ARHGEF4: variants seen among roughly 807,000 people sequenced by gnomAD.
The protein encoded by ARHGEF4 is Rho guanine nucleotide exchange factor 4.
ARHGEF4 carries 119 observed loss-of-function variants against 162.0 expected under a neutral mutation model. That is an observed-to-expected ratio of 0.73 (90% CI 0.63 to 0.86). The LOEUF (loss-of-function observed/expected upper bound fraction) is 0.86, where lower values mean the gene tolerates loss of function less well. Among genes scored for constraint, ARHGEF4 ranks in the 40% least tolerant of loss-of-function variants. The pLI is 0.00. For synonymous variants in ARHGEF4, 1,014 were observed against 979.9 expected (o/e 1.03, Z -0.65); for missense variants, 2,488 against 2,456.0 (o/e 1.01, Z -0.28).
intron 1 of ARHGEF4, among the ~76,000 whole-genome samples, chr2:130,888,003 C>T (rs6430400): frequency 0.18 from 27,244 of 152,044 alleles, 2,983 homozygotes; most frequent in East Asian, 0.34. Context: ...GTGTGTGCAG[C>T]TTCCCAGGGT....
Position 130,848,296 on chromosome 2 carries a change from C to T in ARHGEF4, c.39+11304C>T, listed in dbSNP as rs576459533. ...GCGTCTGAACCACCTTGTGCGCTGCCCCAGCATACCGACTCGACCCCAAGG... is the reference window on the plus strand; with the variant it reads ...GCGTCTGAACCACCTTGTGCGCTGCTCCAGCATACCGACTCGACCCCAAGG... On this transcript the variant is annotated intron_variant, in intron 1 of 13. Transcript: ENST00000409359. Among the ~76,000 whole-genome samples, 12 of 152,300 alleles carry T rather than the reference C, an allele frequency of 7.9e-5. No homozygotes were observed. In the East Asian group the frequency reaches 1.2e-3, roughly 15 times the overall value.
chr2:130,988,882 A>G (rs62178934), intron 4 of ARHGEF4, among the ~76,000 whole-genome samples: 24,879 of 94,018 alleles, frequency 0.26, 2,390 homozygotes, highest in East Asian at 0.39. Context: ...GTATATATAT[A>G]TATATATATA....
chr2:131,000,828 G>T (rs981701888), intron 4 of ARHGEF4, among the ~76,000 whole-genome samples: 1 of 151,984 alleles, frequency 6.6e-6, no homozygotes, highest in African/African-American at 2.4e-5. Flanking sequence ...CTATTATAAA[G>T]GAAAAGATTA....
chr2:130,985,953 T>C (rs201628365), intron 4 of ARHGEF4, among the ~76,000 whole-genome samples: 3,720 of 151,990 alleles, frequency 0.024, 165 homozygotes, highest in East Asian at 0.21. Context: ...GAGTGTTGTG[T>C]GTGTGTGGTG....
At chr2:130,917,815 CTTT>C (rs936419110) in intron 2 of ARHGEF4, among the ~76,000 whole-genome samples, 1 of 118,820 alleles carries the variant, frequency 8.4e-6, no homozygotes, top group African/African-American at 3.2e-5. Flanking sequence ...TTTTCTTTTT[CTTT>C]TTTTCTTTTT....
chr2:130,909,819 C>CT (rs34091190), intron 1 of ARHGEF4, among the ~76,000 whole-genome samples: 2,295 of 152,266 alleles, frequency 0.015, 47 homozygotes, highest in African/African-American at 0.051. Flanking sequence ...TCACGGCCCA[C>CT]TACACATTTC....
At chr2:131,001,302 C>CAAAAAAAA (rs70994730) in intron 4 of ARHGEF4, among the ~76,000 whole-genome samples, 1 of 31,158 alleles carries the variant, frequency 3.2e-5, no homozygotes, top group Non-Finnish European at 6.6e-5. Context: ...GACTGTGTCT[C>CAAAAAAAA]AAAAAAAAAA....
At chr2:130,992,139 G>T (rs1049243917) in intron 4 of ARHGEF4, among the ~76,000 whole-genome samples, 3 of 152,094 alleles carry the variant, frequency 2.0e-5, no homozygotes, top group Non-Finnish European at 4.4e-5. Context: ...GGGACGAGGC[G>T]AACCTTTGTA....
intron 4 of ARHGEF4, among the ~76,000 whole-genome samples, chr2:131,001,669 T>G (rs1037939844): frequency 7.2e-5 from 11 of 152,152 alleles, no homozygotes; most frequent in Admixed American, 2.6e-4. Context: ...AACTCTTCCA[T>G]GTATGCATAG....
chr2:130,918,019 A>G (rs1278842187), intron 2 of ARHGEF4, among the ~76,000 whole-genome samples: 1 of 150,936 alleles, frequency 6.6e-6, no homozygotes, highest in Non-Finnish European at 1.5e-5. Flanking sequence ...ACGGGGTTTC[A>G]CCATGTTGGC....
chr2:130,988,872 G>GTA lies in ARHGEF4; in HGVS notation c.3986-39044_3986-39043dup, dbSNP rs58656982. ...TTTGTGTGTGTGTGTGTGTGTGTGTGTATATATATATATATATATATATAT... is the reference window on the plus strand; with the variant it reads ...TTTGTGTGTGTGTGTGTGTGTGTGTGTATATATATATATATATATATATATAT... On this transcript the variant is annotated intron_variant, in intron 4 of 13. Transcript: ENST00000409359. 3.0e-3 allele frequency among the ~76,000 whole-genome samples: 321 copies of GTA among 108,442 alleles called. 1 individual carries two copies. Among genetic ancestry groups the GTA allele is most frequent in the Non-Finnish European group, 4.5e-3 (252 of 56,438 alleles). The allele number at this position is 108,442 out of a possible 152,430, so 71.1% of individuals were successfully genotyped here.
chr2:130,953,045 G>GAA (rs903077013), intron 4 of ARHGEF4, among the ~76,000 whole-genome samples: 6 of 151,620 alleles, frequency 4.0e-5, no homozygotes, highest in African/African-American at 1.5e-4. Context: ...CACAGAATTG[G>GAA]AAAAAATTAC....
In ARHGEF4 at chr2:130,976,545, G is replaced by C. The variant is rs149274506; in HGVS notation, c.3985+29910G>C. ...TTCTGAATTTCGGTCACTAAAGTCA[G>C]CCAATAACTGTGCCAGCCAGTGATT... On this transcript the variant is annotated intron_variant, in intron 4 of 13. Transcript: ENST00000409359. Among the ~76,000 whole-genome samples the C allele has an allele frequency of 3.5e-3, 540 of 152,306 alleles. 2 individuals carry two copies. Among genetic ancestry groups the C allele is most frequent in the African/African-American group, 0.012 (508 of 41,556 alleles).
intron 4 of ARHGEF4, among the ~76,000 whole-genome samples, chr2:130,961,903 T>C (rs1385907914): frequency 6.6e-6 from 1 of 151,878 alleles, no homozygotes; most frequent in Non-Finnish European, 1.5e-5. Flanking sequence ...AGAGCCTGCA[T>C]GAGGGCTGAG....
chr2:130,996,498 TC>T (rs1431280204), intron 4 of ARHGEF4, among the ~76,000 whole-genome samples: 2 of 152,258 alleles, frequency 1.3e-5, no homozygotes, highest in Admixed American at 6.5e-5. Context: ...CCTTTGATTC[TC>T]TCTGTAGTCC....
intron 1 of ARHGEF4, among the ~76,000 whole-genome samples, chr2:130,867,833 T>C (rs1682393862): frequency 6.6e-6 from 1 of 152,076 alleles, no homozygotes; most frequent in Non-Finnish European, 1.5e-5. Context: ...TGCTGCTGTT[T>C]CCTCTGCAGA....
intron 4 of ARHGEF4, among the ~76,000 whole-genome samples, chr2:130,996,512 G>T (rs1687404482): frequency 6.6e-6 from 1 of 152,140 alleles, no homozygotes; most frequent in Non-Finnish European, 1.5e-5. Flanking sequence ...TGTAGTCCAT[G>T]ATGTGCATCT....
intron 1 of ARHGEF4, among the ~76,000 whole-genome samples, chr2:130,892,266 G>A (rs188388482): frequency 6.6e-6 from 1 of 152,314 alleles, no homozygotes; most frequent in East Asian, 1.9e-4. Context: ...GAGCACTTCT[G>A]CGACCAGATG....
intron 4 of ARHGEF4, among the ~76,000 whole-genome samples, chr2:130,970,481 C>T (rs1412045020): frequency 3.3e-5 from 5 of 151,474 alleles, no homozygotes; most frequent in African/African-American, 7.3e-5. Flanking sequence ...CCCAGCCACT[C>T]GGCAGGCTGA....
Sources: gnomAD v4.1 joint callset for allele counts (sites outside exome capture counted in the v4.1 genomes callset) on GRCh38, gnomAD v4.1.1 for gene constraint, MANE v1.5 for transcripts, NCBI Gene and HGNC (gene_info 2026-07-23, HGNC 2026-07-21) for gene names.